Variants in AJAP1 observed in about 807,000 individuals in gnomAD.
The protein encoded by AJAP1 is adherens junction-associated protein 1.
Under a neutral mutation model 35.0 loss-of-function variants are expected in AJAP1, and 5 were observed. The ratio of observed to expected loss-of-function variants is 0.14; its 90% CI spans 0.07 to 0.30. The LOEUF is 0.30. Ranked by LOEUF, AJAP1 falls within the 10% of genes least tolerant of loss-of-function variation. AJAP1 has a pLI of 1.00. For missense variants in AJAP1, 586 were observed against 571.0 expected, an observed-to-expected ratio of 1.03 and a Z score of -0.27; for synonymous variants, 284 against 249.3, an observed-to-expected ratio of 1.14 and a Z score of -1.31.
intron 1 of AJAP1, among the ~76,000 whole-genome samples, chr1:4,695,527 G>A (rs765452834): frequency 6.6e-6 from 1 of 152,170 alleles, no homozygotes; most frequent in Non-Finnish European, 1.5e-5. Context: ...AACAGGTGCA[G>A]ATTCAGGCTG....
intron 2 of AJAP1, among the ~76,000 whole-genome samples, chr1:4,755,779 G>A (rs1179392632): frequency 6.6e-6 from 1 of 152,042 alleles, no homozygotes; most frequent in Non-Finnish European, 1.5e-5. Flanking sequence ...AACACAGCCT[G>A]GGCAAATGGG....
intron 2 of AJAP1, among the ~76,000 whole-genome samples, chr1:4,757,929 G>A (rs1477812692): frequency 8.1e-6 from 1 of 123,162 alleles, no homozygotes; most frequent in Non-Finnish European, 1.8e-5. Context: ...TGTTGTGGGA[G>A]GGACCCGTGG....
intron 5 of AJAP1, among the ~76,000 whole-genome samples, chr1:4,779,070 C>T (rs3753734): frequency 0.12 from 17,761 of 152,188 alleles, 1,388 homozygotes; most frequent in East Asian, 0.37. Flanking sequence ...AAGATGTCAC[C>T]GAGCAAGTGC....
Position 4,712,678 on chromosome 1 carries a change from A to T in AJAP1, c.808A>T (p.Arg270Trp). 6.6e-7 allele frequency: 1 copy of T among 1,517,652 alleles called. No individual in the cohort carries two copies. The highest frequency in any genetic ancestry group is 8.9e-7 in the Non-Finnish European group (1 of 1,129,392). The allele number at this position is 1,517,652 out of a possible 1,614,324, so 94.0% of individuals were successfully genotyped here. Reference protein sequence around the residue: ...SNNGEVTQPPRILGEASGLAV... With the variant: ...SNNGEVTQPPWILGEASGLAV... ...CAACGGGGAAGTCACCCAGCCCCCA[A>T]GGATTCTGGGGGAGGCCTCAGGTAC... The change falls in exon 2 of 6, where the codon AGG becomes TGG. Residue 270 changes from arginine to tryptophan, a missense_variant. By Grantham distance (101) the Arg-to-Trp change is moderately radical. Transcript: ENST00000378191.
chr1:4,769,153 G>A (rs1641769546), intron 2 of AJAP1, among the ~76,000 whole-genome samples: 1 of 152,166 alleles, frequency 6.6e-6, no homozygotes, highest in East Asian at 1.9e-4. Flanking sequence ...TGGGGCCAGG[G>A]CAACAAGGCT....
intron 2 of AJAP1, among the ~76,000 whole-genome samples, chr1:4,766,271 T>C (rs902268071): frequency 6.6e-6 from 1 of 152,212 alleles, no homozygotes; most frequent in Non-Finnish European, 1.5e-5. Context: ...ATACTGCCTG[T>C]AAAGCCTAAA....
Position 4,712,040 on chromosome 1 carries a change from C to A in AJAP1, c.170C>A (p.Pro57Gln), listed in dbSNP as rs1182836544. 4 of 1,588,454 alleles carry A rather than the reference C, an allele frequency of 2.5e-6. No homozygotes were observed. Among genetic ancestry groups the A allele is most frequent in the Non-Finnish European group, 3.4e-6 (4 of 1,171,164 alleles). The change falls in exon 2 of 6, where the codon CCG (proline) becomes CAG (glutamine). Residue 57 changes from proline to glutamine, a missense_variant. Transcript: ENST00000378191. ...GAGTTCTGGCTCCTGCCGCGGTCGCCGCCCCGGCCGCCCCGGCTGTGGAGT... is the reference window on the plus strand; with the variant it reads ...GAGTTCTGGCTCCTGCCGCGGTCGCAGCCCCGGCCGCCCCGGCTGTGGAGT... ...GPEFWLLPRS[P>Q]PRPPRLWSFR... is the part of the protein sequence containing the mutation.
At chr1:4,735,338 G>T (rs936322951) in intron 2 of AJAP1, among the ~76,000 whole-genome samples, 9 of 152,188 alleles carry the variant, frequency 5.9e-5, no homozygotes, top group Non-Finnish European at 1.5e-5. Context: ...TGGAGCGTGT[G>T]GGAGGGAGGG....
At chr1:4,697,056 A>G (rs945280293) in intron 1 of AJAP1, among the ~76,000 whole-genome samples, 1 of 151,820 alleles carries the variant, frequency 6.6e-6, no homozygotes, top group African/African-American at 2.4e-5. Context: ...TTGTGTGTGT[A>G]TGTTAGTTTG....
intron 1 of AJAP1, among the ~76,000 whole-genome samples, chr1:4,709,171 A>G (rs1640165120): frequency 7.6e-6 from 1 of 130,950 alleles, no homozygotes; most frequent in African/African-American, 2.9e-5. Context: ...TACTGATGGC[A>G]GGCAGGTTTG....
At chr1:4,780,867 C>A (rs1366757123) in intron 5 of AJAP1, among the ~76,000 whole-genome samples, 4 of 152,120 alleles carry the variant, frequency 2.6e-5, no homozygotes, top group African/African-American at 9.6e-5. Flanking sequence ...ATGCAGTGAA[C>A]CCTGTGCCCA....
intron 2 of AJAP1, among the ~76,000 whole-genome samples, chr1:4,726,299 A>G (rs938085964): frequency 6.6e-6 from 1 of 152,118 alleles, no homozygotes; most frequent in African/African-American, 2.4e-5. Flanking sequence ...CCTGGGGGGC[A>G]GTACTGGAAA....
In AJAP1 at chr1:4,783,294, G is replaced by T. The variant is rs950699804; in HGVS notation, c.*809G>T. Reference sequence around the variant, plus strand: ...GAAATGCAGTTCCACAGGTGAGCATGTTCTTTCTGGTGACCTGGTATTCCA... The same window carrying T: ...GAAATGCAGTTCCACAGGTGAGCATTTTCTTTCTGGTGACCTGGTATTCCA... On this transcript the variant is annotated 3_prime_UTR_variant, in exon 6 of 6. Transcript: ENST00000378191. 1 of 151,756 alleles carries T rather than the reference G, an allele frequency of 6.6e-6. No individual in the cohort carries two copies. The highest frequency in any genetic ancestry group is 6.6e-5 in the Admixed American group (1 of 15,196). 9.4% of individuals were successfully genotyped at this position (151,756 alleles called of 1,614,324 possible).
At chr1:4,664,413 G>A (rs944484189) in intron 1 of AJAP1, among the ~76,000 whole-genome samples, 1 of 152,174 alleles carries the variant, frequency 6.6e-6, no homozygotes, top group Non-Finnish European at 1.5e-5. Context: ...CATGCCTGGA[G>A]CTTCAAGCGT....
In AJAP1 at chr1:4,711,622, C is replaced by G. The variant is rs1406987879; in HGVS notation, c.30-278C>G. 2.0e-5 allele frequency among the ~76,000 whole-genome samples: 3 copies of G among 152,286 alleles called. No individual in the cohort carries two copies. In the East Asian group the frequency reaches 5.8e-4, roughly 30 times the overall value. On this transcript the variant is annotated intron_variant, in intron 1 of 5. Coordinates refer to ENST00000378191, the MANE Select transcript of AJAP1 (RefSeq NM_018836.4). ...TTTCGCTCGCGTGAAATGGACTATT[C>G]GGCGACCGGCCGGCTCTGTGCCTGG...
intron 1 of AJAP1, among the ~76,000 whole-genome samples, chr1:4,706,604 A>G (rs1196285125): frequency 6.6e-6 from 1 of 152,186 alleles, no homozygotes; most frequent in Non-Finnish European, 1.5e-5. Flanking sequence ...CGGTGGAACA[A>G]TTCCAGGGCC....
At chr1:4,772,591 G>A (rs1337505502) in intron 4 of AJAP1, 66 bp downstream of exon 4, 25 of 1,583,466 alleles carry the variant, frequency 1.6e-5, no homozygotes, top group African/African-American at 8.1e-5. Context: ...CCCGGGGGCC[G>A]GTGTGGCTGA....
intron 2 of AJAP1, among the ~76,000 whole-genome samples, chr1:4,727,033 C>A (rs923938263): frequency 6.6e-6 from 1 of 152,210 alleles, no homozygotes; most frequent in African/African-American, 2.4e-5. Context: ...GTGGGCCACC[C>A]CCCGCAGCGA....
At chr1:4,762,242 G>A (rs1337185984) in intron 2 of AJAP1, among the ~76,000 whole-genome samples, 1 of 152,216 alleles carries the variant, frequency 6.6e-6, no homozygotes, top group Non-Finnish European at 1.5e-5. Flanking sequence ...GTGCAGTACA[G>A]GGTTAATTTT....
Sources: gnomAD v4.1 joint callset for allele counts (sites outside exome capture counted in the v4.1 genomes callset) on GRCh38, gnomAD v4.1.1 for gene constraint, MANE v1.5 for transcripts, NCBI Gene and HGNC (gene_info 2026-07-23, HGNC 2026-07-21) for gene names.